TRIM16: variants seen among roughly 807,000 people sequenced by gnomAD.
TRIM16 encodes tripartite motif containing 16, also known as tripartite motif-containing protein 16.
In TRIM16, 33 loss-of-function variants were observed where a neutral mutation model predicts 50.4. The observed-to-expected ratio is 0.65, with a 90% CI of 0.50 to 0.88. The LOEUF is 0.88. TRIM16 is among the 40% of genes least tolerant of loss of function. The pLI is 0.00. For synonymous variants in TRIM16, 229 were observed against 270.7 expected (o/e 0.85, Z 1.51); for missense variants, 581 against 686.8 (o/e 0.85, Z 1.72).
rs140938167 is a variant in TRIM16, at chr17:15,651,291, G to T, written c.319C>A (p.Pro107Thr). 1.1e-5 allele frequency: 18 copies of T among 1,614,098 alleles called. No homozygotes were observed. The highest frequency in any genetic ancestry group is 1.5e-5 in the Non-Finnish European group (18 of 1,180,042). The stretch of plus-strand genomic sequence containing the variant: ...TGCAGTTTGATGTTCACCTGATGCG[G>T]CTGCAAGTGCTCTTCACAGTAATTC... ...MVNYCEEHLQ[P>T]HQVNIKLQSH... The change falls in exon 7 of 12, where the codon CCG becomes ACG. Residue 107 changes from proline (P) to threonine (T), a missense_variant. Transcript: ENST00000649191.
At chr17:15,639,045 CTTTTTT>C (rs529832460) in intron 8 of TRIM16, among the ~76,000 whole-genome samples, 4 of 100,910 alleles carry the variant, frequency 4.0e-5, no homozygotes, top group African/African-American at 2.2e-4. Context: ...TTCTCTCTCT[CTTTTTT>C]TTTTTTTTTT....
Position 15,651,353 on chromosome 17 carries a change from C to T in TRIM16, c.257G>A (p.Arg86Lys). The T allele has an allele frequency of 6.2e-7, 1 of 1,614,242 alleles. No homozygotes were observed. Among genetic ancestry groups the T allele is most frequent in the Non-Finnish European group, 8.5e-7 (1 of 1,180,040 alleles). The part of the protein sequence containing the change: ...LCDFCLDDTR[R>K]VKAVKSCLTC... ...TAGACAGGACTTCACTGCCTTCACTCTTCTGGTGTCATCAAGGCAGAAGTC... is the reference window on the plus strand; with the variant it reads ...TAGACAGGACTTCACTGCCTTCACTTTTCTGGTGTCATCAAGGCAGAAGTC... Residue 86 changes from arginine to lysine, a missense_variant, in exon 7 of 12, where the codon AGA becomes AAA. Arg to Lys is a conservative substitution (Grantham distance 26). Around this residue, in one of 3 missense-constraint regions of TRIM16, gnomAD observed 450 missense variants for 544.3 expected, o/e 0.83. Transcript: ENST00000649191.
chr17:15,661,063 GA>G (rs1428815800), intron 6 of TRIM16, among the ~76,000 whole-genome samples: 8 of 152,168 alleles, frequency 5.3e-5, no homozygotes, highest in African/African-American at 1.7e-4. Flanking sequence ...AATATGGTCA[GA>G]AAGAAAATCT....
At chr17:15,647,474 T>C (rs1987450300) in intron 7 of TRIM16, among the ~76,000 whole-genome samples, 1 of 152,050 alleles carries the variant, frequency 6.6e-6, no homozygotes, top group African/African-American at 2.4e-5. Context: ...GATGCTGAGG[T>C]TCAGCATCGT....
chr17:15,639,727 T>C (rs1987031699), intron 8 of TRIM16, among the ~76,000 whole-genome samples: 1 of 149,592 alleles, frequency 6.7e-6, no homozygotes. Flanking sequence ...GAATGGGCTC[T>C]GGACTGTGGA....
rs1986730366 is a variant in TRIM16 at position 15,636,191 on chromosome 17, T to C, written c.694A>G (p.Asn232Asp). 19 of 1,609,624 alleles carry C rather than the reference T, an allele frequency of 1.2e-5. No individual in the cohort carries two copies. Among genetic ancestry groups the C allele is most frequent in the Non-Finnish European group, 1.6e-5 (19 of 1,178,762 alleles). ...LLAAVRKAQA[N>D]VMLFLEEKEQ... is the part of the protein sequence containing the mutation. ...TTCTCCTCTAAGAAGAGCATCACATTGGCCTGGGCCTTCCTCACAGCAGCA... is the reference window on the plus strand; with the variant it reads ...TTCTCCTCTAAGAAGAGCATCACATCGGCCTGGGCCTTCCTCACAGCAGCA... Residue 232 changes from asparagine to aspartate, a missense_variant, in exon 9 of 12, where the codon AAT becomes GAT. By Grantham distance (23) the Asn-to-Asp change is conservative. This residue lies in a region of TRIM16 where 450 missense variants were observed against 544.3 expected (regional missense o/e 0.83). Coordinates refer to ENST00000649191, the MANE Select transcript of TRIM16 (RefSeq NM_001348119.1).
At chr17:15,657,710 C>A (rs937110921) in intron 6 of TRIM16, among the ~76,000 whole-genome samples, 6 of 152,194 alleles carry the variant, frequency 3.9e-5, no homozygotes, top group African/African-American at 1.4e-4. Context: ...TAGCATGCAT[C>A]TGAATTTCCT....
At chr17:15,652,894 C>T (rs1987796157) in intron 6 of TRIM16, among the ~76,000 whole-genome samples, 1 of 152,172 alleles carries the variant, frequency 6.6e-6, no homozygotes, top group African/African-American at 2.4e-5. Context: ...GACTTGTCTC[C>T]TTCCACAGAA....
At chr17:15,681,913 C>T (rs28376592) in intron 3 of TRIM16, among the ~76,000 whole-genome samples, 3,182 of 152,270 alleles carry the variant, frequency 0.021, 89 homozygotes, top group African/African-American at 0.072. Flanking sequence ...TACAGGGTTT[C>T]ACAATTTTGT....
intron 4 of TRIM16, among the ~76,000 whole-genome samples, chr17:15,679,287 C>T (rs2530100): frequency 1.6e-4 from 25 of 152,312 alleles, no homozygotes; most frequent in Middle Eastern, 3.4e-3. Context: ...AGCACCAGAA[C>T]GCTCTTTGTG....
chr17:15,633,643 C>T lies in TRIM16; in HGVS notation c.850-969G>A, dbSNP rs539440867. Among the ~76,000 whole-genome samples, 72 of 144,316 alleles carry T rather than the reference C, an allele frequency of 5.0e-4. 4 individuals are homozygous for T. The highest frequency in any genetic ancestry group is 1.7e-3 in the African/African-American group (65 of 38,612). The allele number at this position is 144,316 out of a possible 152,430, so 94.7% of individuals were successfully genotyped here. A position where few individuals can be genotyped will look rare whatever the true frequency, so the allele number is the denominator to read the frequency against. ...CAACCTCTTGCCTGCTAGGTTCAAG[C>T]GATTCTCCTGCCTCAGCCTCCCAAG... On this transcript the variant is annotated intron_variant, in intron 9 of 11. Coordinates refer to ENST00000649191, the MANE Select transcript of TRIM16 (RefSeq NM_001348119.1).
At chr17:15,664,787 C>A (rs989845774) in intron 6 of TRIM16, among the ~76,000 whole-genome samples, 1 of 152,110 alleles carries the variant, frequency 6.6e-6, no homozygotes, top group Non-Finnish European at 1.5e-5. Flanking sequence ...GTCATCCCAG[C>A]GCTCTGGAAG....
intron 6 of TRIM16, among the ~76,000 whole-genome samples, chr17:15,653,373 C>T (rs1171731817): frequency 6.6e-6 from 1 of 152,146 alleles, no homozygotes; most frequent in Non-Finnish European, 1.5e-5. Flanking sequence ...TTTACAGCAA[C>T]ACAAACACAG....
Position 15,631,725 on chromosome 17 carries a change from AAG to A in TRIM16, c.1016-13_1016-12del, listed in dbSNP as rs942433628. 1.2e-6 allele frequency: 2 copies of A among 1,613,702 alleles called. No individual in the cohort carries two copies. The highest frequency in any genetic ancestry group is 2.2e-5 in the East Asian group (1 of 44,878). On this transcript the variant is annotated splice_polypyrimidine_tract_variant and intron_variant, in intron 10 of 11. Transcript: ENST00000649191. ...TGATGTCATACTCCTCTAGAAAATCAAGAGAGTTGTGAATGCACACCTGTCCA... is the reference window on the plus strand; with the variant it reads ...TGATGTCATACTCCTCTAGAAAATCAAGAGTTGTGAATGCACACCTGTCCA...
At chr17:15,646,929 ACT>A (rs1987411655) in intron 7 of TRIM16, among the ~76,000 whole-genome samples, 1 of 151,650 alleles carries the variant, frequency 6.6e-6, no homozygotes, top group African/African-American at 2.4e-5. Context: ...GTTACGTAAT[ACT>A]GAGTCCTGGG....
intron 6 of TRIM16, among the ~76,000 whole-genome samples, chr17:15,660,310 A>G (rs907709911): frequency 1.3e-5 from 2 of 152,190 alleles, no homozygotes; most frequent in Non-Finnish European, 2.9e-5. Context: ...CGGTTCCTCT[A>G]TAAACAACAT....
intron 6 of TRIM16, among the ~76,000 whole-genome samples, chr17:15,663,207 C>G (rs1269183851): frequency 6.6e-6 from 1 of 152,144 alleles, no homozygotes; most frequent in Non-Finnish European, 1.5e-5. Flanking sequence ...TCCATTTGTC[C>G]CAGTCTGGCC....
intron 6 of TRIM16, among the ~76,000 whole-genome samples, chr17:15,673,907 T>C (rs1401995633): frequency 6.6e-6 from 1 of 152,194 alleles, no homozygotes; most frequent in Non-Finnish European, 1.5e-5. Context: ...CTTCCCTAAC[T>C]CTTCTGTTGG....
At chr17:15,643,561 A>G (rs1317643148) in intron 7 of TRIM16, among the ~76,000 whole-genome samples, 1 of 146,922 alleles carries the variant, frequency 6.8e-6, no homozygotes, top group Non-Finnish European at 1.5e-5. Context: ...GTCTCCCTAA[A>G]ATGTATACTA....
Sources: allele counts gnomAD v4.1 joint callset (sites outside exome capture counted in the v4.1 genomes callset), GRCh38; gene constraint gnomAD v4.1.1; regional missense constraint gnomAD v4.1.1; transcripts MANE v1.5; gene names NCBI Gene and HGNC (gene_info 2026-07-23, HGNC 2026-07-21).